Variants in PRKDC observed in about 807,000 individuals in gnomAD.
PRKDC encodes the protein protein kinase, DNA-activated, catalytic subunit, also known as DNA-dependent protein kinase catalytic subunit.
PRKDC carries 82 observed loss-of-function variants against 486.9 expected under a neutral mutation model. The observed-to-expected ratio is 0.17, with a 90% CI of 0.14 to 0.20. The LOEUF is 0.20. Among genes scored for constraint, PRKDC ranks in the 10% least tolerant of loss-of-function variants. The pLI is 1.00. For missense variants in PRKDC, 4,504 were observed against 5,038.2 expected (o/e 0.89, Z 3.21); for synonymous variants, 1,895 against 1,837.0 (o/e 1.03, Z -0.81).
In PRKDC at chr8:47,943,802, T is replaced by C. The variant is rs45574639; in HGVS notation, c.808+51A>G. On this transcript the variant is annotated intron_variant, in intron 9 of 85. Transcript: ENST00000314191. ...AGTTTAAGCAAAAGCTTACTTGAGA[T>C]GTTAATTTAGTAATCTAAAATATTA... The C allele has an allele frequency of 1.2e-3, 1,649 of 1,412,348 alleles. 4 individuals are homozygous for C. Among genetic ancestry groups the C allele is most frequent in the Non-Finnish European group, 1.5e-3 (1,570 of 1,030,474 alleles). 87.5% of individuals were successfully genotyped at this position (1,412,348 alleles called of 1,614,324 possible).
At chr8:47,903,330 G>A (rs1051519757) in intron 26 of PRKDC, among the ~76,000 whole-genome samples, 1 of 152,202 alleles carries the variant, frequency 6.6e-6, no homozygotes, top group African/African-American at 2.4e-5. Context: ...ACCACACAGA[G>A]ATGTATTCTA....
At chr8:47,868,062 T>C (rs141369034) in intron 40 of PRKDC, among the ~76,000 whole-genome samples, 35 of 152,290 alleles carry the variant, frequency 2.3e-4, no homozygotes, top group Non-Finnish European at 5.0e-4. Flanking sequence ...GTATAATGTT[T>C]TGTGGGTGTT....
chr8:47,864,712 G>T lies in PRKDC; in HGVS notation c.5415C>A (p.Phe1805Leu). ...VGLLESVYEM[F>L]RKDDPRLSFT... ...AACTTAGGCGGGGGTCATCCTTCCT[G>T]AACATTTCATACACGCTTTCCAGAA... Residue 1805 changes from phenylalanine (F) to leucine (L), a missense_variant, in exon 41 of 86, where the codon TTC becomes TTA. This residue lies in a region of PRKDC where 1,969 missense variants were observed against 2,068.9 expected (regional missense o/e 0.95). Coordinates refer to ENST00000314191, the MANE Select transcript of PRKDC (RefSeq NM_006904.7). 6.2e-7 allele frequency: 1 copy of T among 1,606,436 alleles called. No individual in the cohort carries two copies. The highest frequency in any genetic ancestry group is 1.1e-5 in the South Asian group (1 of 89,516).
In PRKDC at chr8:47,807,723, A is replaced by AT. The variant is rs1157539170; in HGVS notation, c.9558-398dup. Reference sequence around the variant, plus strand: ...GTGAGCCACCGCACCCGGCCTACTTATTTTTTTTTTGAGATGGAGTCTCAT... The same window carrying AT: ...GTGAGCCACCGCACCCGGCCTACTTATTTTTTTTTTTGAGATGGAGTCTCAT... On this transcript the variant is annotated intron_variant, in intron 68 of 85. Transcript: ENST00000314191. Among the ~76,000 whole-genome samples the AT allele has an allele frequency of 2.6e-4, 32 of 122,750 alleles. 1 individual carries two copies. The South Asian group carries it at 3.6e-3, about 14-fold the overall frequency. The allele number at this position is 122,750 out of a possible 152,430, so 80.5% of individuals were successfully genotyped here.
intron 69 of PRKDC, among the ~76,000 whole-genome samples, chr8:47,804,595 C>T (rs955112013): frequency 3.9e-5 from 6 of 152,068 alleles, no homozygotes; most frequent in Admixed American, 3.3e-4. Flanking sequence ...CCACTGCACC[C>T]GGCTGGACAT....
intron 7 of PRKDC, among the ~76,000 whole-genome samples, chr8:47,947,350 C>T (rs2090551325): frequency 6.6e-6 from 1 of 152,200 alleles, no homozygotes; most frequent in African/African-American, 2.4e-5. Context: ...CACTGCTGAA[C>T]CCCAAAATCA....
In PRKDC at chr8:47,933,159, G is replaced by C; in HGVS notation, c.1637C>G (p.Ala546Gly). The C allele has an allele frequency of 6.6e-7, 1 of 1,521,970 alleles. No homozygotes were observed. The highest frequency in any genetic ancestry group is 8.8e-7 in the Non-Finnish European group (1 of 1,137,270). 94.3% of individuals were successfully genotyped at this position (1,521,970 alleles called of 1,614,324 possible). Residue 546 changes from alanine (A) to glycine (G), a missense_variant, in exon 16 of 86, where the codon GCA (alanine) becomes GGA (glycine). Around this residue, in one of 6 missense-constraint regions of PRKDC, gnomAD observed 1,969 missense variants for 2,068.9 expected, o/e 0.95. Coordinates refer to ENST00000314191, the MANE Select transcript of PRKDC (RefSeq NM_006904.7). ...SSDQMMDSIL[A>G]DEAFFSVNSS... ...ATTCACAGAGAAAAATGCTTCATCT[G>C]CTAAAATAGAATCCTTTAAATAAAG...
intron 63 of PRKDC, among the ~76,000 whole-genome samples, chr8:47,826,030 A>G (rs2087731399): frequency 6.6e-6 from 1 of 152,236 alleles, no homozygotes; most frequent in African/African-American, 2.4e-5. Flanking sequence ...CACGAAGCAC[A>G]AGGATCCCCT....
intron 85 of PRKDC, among the ~76,000 whole-genome samples, chr8:47,775,137 A>G (rs533620310): frequency 6.6e-6 from 1 of 151,880 alleles, no homozygotes; most frequent in Admixed American, 6.6e-5. Context: ...CAGTGAGTCC[A>G]TATCGTGCCA....
At chr8:47,815,116 T>C (rs970342209) in intron 68 of PRKDC, among the ~76,000 whole-genome samples, 1 of 152,032 alleles carries the variant, frequency 6.6e-6, no homozygotes, top group Admixed American at 6.6e-5. Context: ...CAATGAGCCA[T>C]TATCGGGTGA....
chr8:47,869,510 T>C (rs2088897571), intron 40 of PRKDC, among the ~76,000 whole-genome samples: 1 of 151,864 alleles, frequency 6.6e-6, no homozygotes, highest in South Asian at 2.1e-4. Context: ...TGACGAATTA[T>C]CAGTGCTAAC....
At chr8:47,859,475 C>A in intron 46 of PRKDC, 136 bp downstream of exon 46, 1 of 1,064,802 alleles carries the variant, frequency 9.4e-7, no homozygotes. Flanking sequence ...TTGGAAAATT[C>A]TCCAAATTAA....
intron 50 of PRKDC, 35 bp from the exon 51 acceptor site, chr8:47,854,249 G>GT: frequency 6.2e-7 from 1 of 1,604,348 alleles, no homozygotes; most frequent in Non-Finnish European, 8.5e-7. Context: ...AATTGAGACT[G>GT]TTGCATAATC....
At chr8:47,934,116 A>G in intron 14 of PRKDC, 26 bp from the exon 15 acceptor site, 2 of 1,589,392 alleles carry the variant, frequency 1.3e-6, no homozygotes, top group Non-Finnish European at 1.7e-6. Flanking sequence ...GCATGACAAT[A>G]TGTAGTGATG....
chr8:47,792,621 T>G (rs2086900647), intron 74 of PRKDC, among the ~76,000 whole-genome samples: 1 of 152,150 alleles, frequency 6.6e-6, no homozygotes, highest in Non-Finnish European at 1.5e-5. Flanking sequence ...GGAATGTTTA[T>G]AACACAAAGA....
At chr8:47,900,681 C>CT (rs2089663937) in intron 27 of PRKDC, among the ~76,000 whole-genome samples, 1 of 151,942 alleles carries the variant, frequency 6.6e-6, no homozygotes, top group Non-Finnish European at 1.5e-5. Flanking sequence ...AACCCCGTCT[C>CT]TACTAAAAAT....
In PRKDC at chr8:47,783,805, C is replaced by A; in HGVS notation, c.11112G>T (p.Gln3704His). The stretch of plus-strand genomic sequence containing the variant: ...GCAATGGCTTTCCCCTACCGTCATA[C>A]TGACCTAAAACAAACCAGAACCTTG... The part of the protein sequence containing the change: ...FLRNELEIPG[Q>H]YDGRGKPLPE... Residue 3704 changes from glutamine to histidine, a missense_variant, in exon 78 of 86, where the codon CAG (glutamine) becomes CAT (histidine). Gln to His is a conservative substitution (Grantham distance 24). This residue lies in a region of PRKDC where 706 missense variants were observed against 945.0 expected (regional missense o/e 0.75). Coordinates refer to ENST00000314191, the MANE Select transcript of PRKDC (RefSeq NM_006904.7). The A allele has an allele frequency of 6.2e-7, 1 of 1,613,964 alleles. No homozygotes were observed. Among genetic ancestry groups the A allele is most frequent in the Non-Finnish European group, 8.5e-7 (1 of 1,179,876 alleles).
At position 47,778,487 on chromosome 8, in the gene PRKDC, A is replaced by C. The variant is rs776795130; in HGVS notation, c.11825T>G (p.Phe3942Cys). 1 of 1,613,476 alleles carries C rather than the reference A, an allele frequency of 6.2e-7. No homozygotes were observed. The highest frequency in any genetic ancestry group is 8.5e-7 in the Non-Finnish European group (1 of 1,179,710). ...METGGVIGID[F>C]GHAFGSATQF... ...TGTAGCGGATCCAAACGCATGCCCA[A>C]AGTCGATCCCGATCACGCCGCCAGT... Residue 3942 changes from phenylalanine to cysteine, a missense_variant, in exon 83 of 86, where the codon TTT (phenylalanine) becomes TGT (cysteine). Phe to Cys is a radical substitution (Grantham distance 205, BLOSUM62 -2). Coordinates refer to ENST00000314191, the MANE Select transcript of PRKDC (RefSeq NM_006904.7).
At chr8:47,808,724 C>G (rs2087264735) in intron 68 of PRKDC, among the ~76,000 whole-genome samples, 1 of 152,130 alleles carries the variant, frequency 6.6e-6, no homozygotes, top group Admixed American at 6.6e-5. Flanking sequence ...GTAACACTGA[C>G]AAAGGGCCCT....
Sources: allele counts gnomAD v4.1 joint callset (sites outside exome capture counted in the v4.1 genomes callset), GRCh38; gene constraint gnomAD v4.1.1; regional missense constraint gnomAD v4.1.1; transcripts MANE v1.5; gene names NCBI Gene and HGNC (gene_info 2026-07-23, HGNC 2026-07-21).